COMMD1: variants seen among roughly 807,000 people sequenced by gnomAD.
COMMD1 encodes the protein COMM domain-containing protein 1.
In COMMD1, 10 loss-of-function variants were observed where a neutral mutation model predicts 17.2. The observed-to-expected ratio is 0.58, with a 90% CI of 0.36 to 0.99. The LOEUF (loss-of-function observed/expected upper bound fraction) is 0.99, where lower values mean the gene tolerates loss of function less well. Ranked by LOEUF, COMMD1 falls within the 50% of genes least tolerant of loss-of-function variation. The probability of loss-of-function intolerance (pLI) is 0.01; values close to 1 mark genes in which losing one functional copy is unlikely to be tolerated. For synonymous variants in COMMD1, 97 were observed against 91.6 expected, an observed-to-expected ratio of 1.06 and a Z score of -0.34; for missense variants, 270 against 231.8, an observed-to-expected ratio of 1.17 and a Z score of -1.07.
chr2:62,083,904 G>C (rs774156123), intron 2 of COMMD1, among the ~76,000 whole-genome samples: 2 of 152,196 alleles, frequency 1.3e-5, no homozygotes, highest in East Asian at 3.8e-4. Context: ...TCATGGAGCA[G>C]TGCCTGTCTG....
intron 2 of COMMD1, among the ~76,000 whole-genome samples, chr2:62,097,809 G>A (rs1231423878): frequency 6.6e-6 from 1 of 152,100 alleles, no homozygotes; most frequent in African/African-American, 2.4e-5. Context: ...CGCTGGTGTC[G>A]ACAAAGGCTC....
intron 1 of COMMD1, among the ~76,000 whole-genome samples, chr2:61,998,350 C>T (rs900080618): frequency 6.6e-6 from 1 of 151,482 alleles, no homozygotes; most frequent in African/African-American, 2.4e-5. Context: ...ACCTCTGCCT[C>T]CTGGATTCAT....
intron 2 of COMMD1, among the ~76,000 whole-genome samples, chr2:62,046,592 GAAGTA>G (rs967918005): frequency 1.4e-5 from 2 of 144,702 alleles, no homozygotes; most frequent in African/African-American, 5.8e-5. Flanking sequence ...ATTCATTGAA[GAAGTA>G]AAGAGAAGAC....
intron 2 of COMMD1, among the ~76,000 whole-genome samples, chr2:62,062,929 A>G (rs1670907335): frequency 6.6e-6 from 1 of 151,836 alleles, no homozygotes; most frequent in Non-Finnish European, 1.5e-5. Context: ...TTTAAATATT[A>G]GTAGGCTGGC....
At chr2:62,041,667 G>A (rs753471941) in intron 2 of COMMD1, among the ~76,000 whole-genome samples, 3 of 152,180 alleles carry the variant, frequency 2.0e-5, no homozygotes, top group Admixed American at 6.5e-5. Flanking sequence ...TAGTGTGTCC[G>A]GAATTGGTGG....
chr2:61,959,138 G>A (rs1209391735), intron 1 of COMMD1, among the ~76,000 whole-genome samples: 3 of 152,030 alleles, frequency 2.0e-5, no homozygotes, highest in Non-Finnish European at 2.9e-5. Flanking sequence ...TTTTATTACT[G>A]TTTACGATGG....
intron 1 of COMMD1, among the ~76,000 whole-genome samples, chr2:61,937,561 CTTATAA>C (rs1670636500): frequency 6.6e-6 from 1 of 152,116 alleles, no homozygotes; most frequent in Non-Finnish European, 1.5e-5. Context: ...TTCATTACCC[CTTATAA>C]TTATTATTTA....
chr2:61,901,980 G>A (rs1292569851), upstream of COMMD1, among the ~76,000 whole-genome samples: 2 of 151,820 alleles, frequency 1.3e-5, no homozygotes, highest in African/African-American at 4.8e-5. Context: ...CTACAGGCAC[G>A]CGCCATCACG....
intron 2 of COMMD1, among the ~76,000 whole-genome samples, chr2:62,063,865 C>CT (rs1670946080): frequency 3.2e-5 from 1 of 31,050 alleles, no homozygotes; most frequent in African/African-American, 1.5e-4. Flanking sequence ...ACTGTCTCTA[C>CT]AAAATATATA....
At chr2:61,959,866 G>A (rs1018370565) in intron 1 of COMMD1, among the ~76,000 whole-genome samples, 1 of 152,200 alleles carries the variant, frequency 6.6e-6, no homozygotes, top group South Asian at 2.1e-4. Context: ...AACCTGACAC[G>A]TCTACCCTAC....
intron 1 of COMMD1, among the ~76,000 whole-genome samples, chr2:61,982,873 A>G (rs151150455): frequency 9.2e-5 from 14 of 152,292 alleles, no homozygotes; most frequent in Admixed American, 6.5e-4. Context: ...GATAAATCCT[A>G]CTTGGTCATG....
intron 1 of COMMD1, among the ~76,000 whole-genome samples, chr2:61,946,094 G>A (rs185452358): frequency 1.8e-3 from 268 of 152,176 alleles, no homozygotes; most frequent in African/African-American, 5.4e-3. Context: ...ATGGTTGTGG[G>A]AGCCTTTGAA....
rs568112108 is a variant in COMMD1 at position 61,898,568 on chromosome 2, G to T, written n.119+9726G>T. On this transcript the variant is annotated intron_variant and non_coding_transcript_variant, in intron 1 of 2. Transcript: ENST00000472729. ...AAAGTAGAATGGAGACAGAGGGCAG[G>T]TAGAGCTCATTGTAAAACTTTGGGG... is the stretch of plus-strand genomic sequence containing the variant. 6.6e-5 allele frequency among the ~76,000 whole-genome samples: 10 copies of T among 152,242 alleles called. No individual in the cohort carries two copies. In the South Asian group the frequency reaches 1.7e-3, roughly 25 times the overall value.
intron 1 of COMMD1, among the ~76,000 whole-genome samples, chr2:61,976,149 A>C (rs1336015211): frequency 6.6e-6 from 1 of 151,870 alleles, no homozygotes; most frequent in East Asian, 1.9e-4. Context: ...TAAAATGCAT[A>C]CTAGGGTAGC....
At chr2:61,968,201 T>C (rs1159570594) in intron 1 of COMMD1, among the ~76,000 whole-genome samples, 1 of 151,746 alleles carries the variant, frequency 6.6e-6, no homozygotes, top group African/African-American at 2.4e-5. Context: ...GTGCCAAACA[T>C]AGTCTATAGG....
At chr2:62,122,594 T>C (rs1160881517) in intron 2 of COMMD1, among the ~76,000 whole-genome samples, 3 of 152,220 alleles carry the variant, frequency 2.0e-5, no homozygotes, top group African/African-American at 7.2e-5. Context: ...TTGGTTTAGC[T>C]GTACATAATT....
chr2:62,023,540 G>A (rs71422333), intron 2 of COMMD1, among the ~76,000 whole-genome samples: 1 of 151,842 alleles, frequency 6.6e-6, no homozygotes, highest in South Asian at 2.1e-4. Context: ...CTGGAGTGCA[G>A]TGGAGCAATC....
At chr2:61,892,865 C>T (rs535914133) in intron 1 of COMMD1, among the ~76,000 whole-genome samples, 2 of 151,670 alleles carry the variant, frequency 1.3e-5, no homozygotes, top group African/African-American at 4.9e-5. Context: ...CTGTTTGCAT[C>T]GTTCTTTTTT....
At chr2:62,129,290 T>G (rs946296927) in intron 2 of COMMD1, among the ~76,000 whole-genome samples, 1 of 152,226 alleles carries the variant, frequency 6.6e-6, no homozygotes, top group Admixed American at 6.5e-5. Flanking sequence ...TCCTCTTGCC[T>G]GAACCCAACT....
Sources: allele counts gnomAD v4.1 joint callset (sites outside exome capture counted in the v4.1 genomes callset), GRCh38; gene constraint gnomAD v4.1.1; transcripts MANE v1.5; gene names NCBI Gene and HGNC (gene_info 2026-07-23, HGNC 2026-07-21).